SIL1: variants seen among roughly 807,000 people sequenced by gnomAD.
The protein encoded by SIL1 is SIL1 nucleotide exchange factor, also known as nucleotide exchange factor SIL1.
In SIL1, 40 loss-of-function variants were observed where a neutral mutation model predicts 49.1. That is an observed-to-expected ratio of 0.81 (90% CI 0.63 to 1.06). SIL1 has a LOEUF of 1.06. SIL1 is among the 50% of genes least tolerant of loss of function. SIL1 has a pLI of 0.00. For missense variants in SIL1, 500 were observed against 572.6 expected (o/e 0.87, Z 1.29); for synonymous variants, 253 against 250.8 (o/e 1.01, Z -0.08).
At chr5:139,072,213 TTGGGGTC>T (rs1279310107) in intron 3 of SIL1, among the ~76,000 whole-genome samples, 3 of 152,318 alleles carry the variant, frequency 2.0e-5, no homozygotes, top group African/African-American at 7.2e-5. Flanking sequence ...GCTGTTATAA[TTGGGGTC>T]TATTATAAAT....
intron 1 of SIL1, among the ~76,000 whole-genome samples, chr5:139,168,928 C>T (rs62382977): frequency 0.4 from 59,860 of 149,880 alleles, 13,065 homozygotes; most frequent in South Asian, 0.52. Flanking sequence ...CACCACTTCA[C>T]TCCAGCCTGG....
At chr5:139,001,962 G>A (rs114806656) in intron 7 of SIL1, among the ~76,000 whole-genome samples, 3,036 of 151,852 alleles carry the variant, frequency 0.02, 46 homozygotes, top group Non-Finnish European at 0.03. Context: ...TGTAATCCTA[G>A]GACTTTAATA....
At chr5:139,019,997 A>T (rs1768483706) in intron 7 of SIL1, among the ~76,000 whole-genome samples, 2 of 152,220 alleles carry the variant, frequency 1.3e-5, no homozygotes, top group Non-Finnish European at 2.9e-5. Context: ...CTAACGTCAA[A>T]CATGCAGATT....
At chr5:139,194,930 C>CTT (rs35417485) in intron 1 of SIL1, among the ~76,000 whole-genome samples, 18 of 141,716 alleles carry the variant, frequency 1.3e-4, no homozygotes, top group Non-Finnish European at 1.6e-4. Context: ...CTTTCAGAGC[C>CTT]TTTTTTTTTT....
chr5:139,036,662 CTTAGAGGGG>C (rs1156531659), intron 5 of SIL1, among the ~76,000 whole-genome samples: 1 of 152,048 alleles, frequency 6.6e-6, no homozygotes, highest in African/African-American at 2.4e-5. Flanking sequence ...CACACGGATA[CTTAGAGGGG>C]AACAACACAC....
intron 4 of SIL1, among the ~76,000 whole-genome samples, chr5:139,044,681 C>T (rs1288100543): frequency 6.6e-6 from 1 of 152,178 alleles, no homozygotes; most frequent in Non-Finnish European, 1.5e-5. Flanking sequence ...TTCCAGATCG[C>T]AGTTGCCTTT....
intron 2 of SIL1, among the ~76,000 whole-genome samples, chr5:139,121,909 T>C (rs1026906259): frequency 4.6e-5 from 7 of 152,316 alleles, no homozygotes; most frequent in African/African-American, 1.7e-4. Context: ...GCAAGATAAA[T>C]ACAAAGTATT....
intron 1 of SIL1, among the ~76,000 whole-genome samples, chr5:139,184,740 T>C (rs1178000563): frequency 6.6e-6 from 1 of 152,112 alleles, no homozygotes; most frequent in African/African-American, 2.4e-5. Flanking sequence ...ACAGTAAAAT[T>C]TGAAAACAGT....
intron 7 of SIL1, among the ~76,000 whole-genome samples, chr5:139,003,465 ACACCAAATTT>A (rs1768036729): frequency 6.6e-6 from 1 of 152,166 alleles, no homozygotes; most frequent in Admixed American, 6.5e-5. Flanking sequence ...CCCACCTTTC[ACACCAAATTT>A]CACAGATTTC....
intron 1 of SIL1, among the ~76,000 whole-genome samples, chr5:139,174,937 C>CAAAAAAAAAAAAAAAAAAAAAAAAAAAA (rs56959325): frequency 1.7e-5 from 1 of 59,850 alleles, no homozygotes; most frequent in African/African-American, 8.0e-5. Context: ...GACTGTGTCT[C>CAAAAAAAAAAAAAAAAAAAAAAAAAAAA]AAAAAAAAAA....
chr5:139,036,810 A>G (rs1194032151), intron 5 of SIL1, among the ~76,000 whole-genome samples: 2 of 152,216 alleles, frequency 1.3e-5, no homozygotes, highest in Non-Finnish European at 2.9e-5. Flanking sequence ...AAGTTTATCT[A>G]TATAACAAAC....
intron 7 of SIL1, among the ~76,000 whole-genome samples, chr5:139,018,143 C>A (rs1476731028): frequency 6.6e-6 from 1 of 152,142 alleles, no homozygotes; most frequent in Non-Finnish European, 1.5e-5. Flanking sequence ...GTAGTCATGT[C>A]AATTACATTT....
intron 7 of SIL1, among the ~76,000 whole-genome samples, chr5:138,968,162 C>T (rs1767188815): frequency 6.6e-6 from 1 of 152,094 alleles, no homozygotes; most frequent in Admixed American, 6.5e-5. Context: ...GTCAGCATAG[C>T]AGGCCCTGCC....
chr5:138,969,927 T>A (rs190472523), intron 7 of SIL1, among the ~76,000 whole-genome samples: 1 of 152,214 alleles, frequency 6.6e-6, no homozygotes, highest in Non-Finnish European at 1.5e-5. Context: ...CACAATAAAT[T>A]TAGCACCAGC....
intron 1 of SIL1, among the ~76,000 whole-genome samples, chr5:139,140,268 T>C (rs1751054659): frequency 6.8e-6 from 1 of 146,858 alleles, no homozygotes; most frequent in Admixed American, 6.8e-5. Context: ...AGACTCTGTC[T>C]CAAAAAAAAA....
chr5:139,047,640 C>T (rs1769194579), intron 4 of SIL1, among the ~76,000 whole-genome samples: 1 of 152,216 alleles, frequency 6.6e-6, no homozygotes, highest in South Asian at 2.1e-4. Flanking sequence ...TGACCCTGCC[C>T]TTAGGCCTCT....
intron 3 of SIL1, among the ~76,000 whole-genome samples, chr5:139,086,445 A>G (rs746142165): frequency 6.6e-6 from 1 of 151,532 alleles, no homozygotes; most frequent in Non-Finnish European, 1.5e-5. Flanking sequence ...GCTCACTGCA[A>G]CCTCTACCTC....
chr5:139,150,664 C>G (rs1751278376), intron 1 of SIL1, among the ~76,000 whole-genome samples: 2 of 152,148 alleles, frequency 1.3e-5, no homozygotes, highest in African/African-American at 2.4e-5. Context: ...TCTCCTGAAC[C>G]CCTCCTAAAG....
intron 1 of SIL1, among the ~76,000 whole-genome samples, chr5:139,183,377 C>G (rs928667281): frequency 6.6e-6 from 1 of 152,158 alleles, no homozygotes; most frequent in Non-Finnish European, 1.5e-5. Flanking sequence ...AGCAAATGAG[C>G]CTTCCCTCCA....
Sources: gnomAD v4.1 joint callset for allele counts (sites outside exome capture counted in the v4.1 genomes callset) on GRCh38, gnomAD v4.1.1 for gene constraint, MANE v1.5 for transcripts, NCBI Gene and HGNC (gene_info 2026-07-23, HGNC 2026-07-21) for gene names.